Variants in PTK2 observed in about 807,000 individuals in gnomAD.
PTK2 encodes the protein focal adhesion kinase 1.
In PTK2, 45 loss-of-function variants were observed where a neutral mutation model predicts 150.1. That is an observed-to-expected ratio of 0.30 (90% CI 0.24 to 0.38). The LOEUF is 0.38. Among genes scored for constraint, PTK2 ranks in the 10% least tolerant of loss-of-function variants. The pLI is 1.00. For missense variants in PTK2, 919 were observed against 1,307.3 expected, an observed-to-expected ratio of 0.70 and a Z score of 4.58; for synonymous variants, 432 against 449.2, an observed-to-expected ratio of 0.96 and a Z score of 0.48.
At chr8:140,827,757 A>G (rs1044833961) in intron 8 of PTK2, among the ~76,000 whole-genome samples, 2 of 152,222 alleles carry the variant, frequency 1.3e-5, no homozygotes, top group African/African-American at 2.4e-5. Context: ...TGCCAGGTAC[A>G]ATGTCAAACA....
At chr8:140,918,753 T>C (rs1484475109) in intron 2 of PTK2, among the ~76,000 whole-genome samples, 1 of 152,224 alleles carries the variant, frequency 6.6e-6, no homozygotes, top group Non-Finnish European at 1.5e-5. Flanking sequence ...GCTGTGCTTT[T>C]TGAGGTTAAT....
chr8:140,943,412 T>C (rs1290322516), intron 1 of PTK2, among the ~76,000 whole-genome samples: 2 of 152,240 alleles, frequency 1.3e-5, no homozygotes, highest in Non-Finnish European at 2.9e-5. Context: ...GCGTCAGCAG[T>C]TAGTTCCTTT....
At chr8:140,719,582 A>C (rs2100041650) in intron 22 of PTK2, among the ~76,000 whole-genome samples, 1 of 152,204 alleles carries the variant, frequency 6.6e-6, no homozygotes. Context: ...ATCTGCTATA[A>C]GCGTTAGTTG....
Position 140,899,856 on chromosome 8 carries a change from G to C in PTK2, c.-32-9087C>G, listed in dbSNP as rs561984227. The stretch of plus-strand genomic sequence containing the variant: ...CAGAACAAAGAAGAAAAAACCATAT[G>C]GTCTCATCTCAATAGATGAAGAAAA... On this transcript the variant is annotated intron_variant, in intron 2 of 31. Coordinates refer to ENST00000522684, the Ensembl canonical transcript of PTK2. 2.6e-5 allele frequency among the ~76,000 whole-genome samples: 4 copies of C among 151,998 alleles called. No individual in the cohort carries two copies. In the East Asian group the frequency reaches 7.7e-4, roughly 29 times the overall value.
intron 17 of PTK2, chr8:140,750,103 G>A (rs1218167492): frequency 6.6e-6 from 1 of 152,226 alleles, no homozygotes; most frequent in East Asian, 1.9e-4. Context: ...AGTCAAGACA[G>A]AAGTCATTGG....
chr8:140,765,066 A>C (rs892899590), intron 14 of PTK2: 1 of 152,214 alleles, frequency 6.6e-6, no homozygotes, highest in Non-Finnish European at 1.5e-5. Context: ...TCATGTGGTA[A>C]CACCTATACT....
At chr8:140,761,033 G>T in intron 16 of PTK2, 132 bp downstream of exon 19, 1 of 628,170 alleles carries the variant, frequency 1.6e-6, no homozygotes, top group Non-Finnish European at 2.7e-6. Flanking sequence ...TGACATTTAT[G>T]AAGAGCTTTA....
At chr8:140,934,405 A>G (rs1157314682) in intron 1 of PTK2, 1 of 152,266 alleles carries the variant, frequency 6.6e-6, no homozygotes, top group South Asian at 2.1e-4. Flanking sequence ...CCTGAGCAAC[A>G]TAAGGAGACT....
chr8:140,690,698 GT>G (rs1243070861), intron 26 of PTK2, among the ~76,000 whole-genome samples: 3 of 152,184 alleles, frequency 2.0e-5, no homozygotes, highest in African/African-American at 7.2e-5. Context: ...AGTTAATACT[GT>G]GGTGTAAATG....
chr8:140,977,350 G>A (rs552714555), intron 1 of PTK2, among the ~76,000 whole-genome samples: 41 of 152,278 alleles, frequency 2.7e-4, no homozygotes, highest in Non-Finnish European at 3.5e-4. Context: ...CAGCATGGGC[G>A]CGGTAGCTCA....
chr8:140,933,435 T>A (rs2100172596), intron 1 of PTK2, among the ~76,000 whole-genome samples: 1 of 152,218 alleles, frequency 6.6e-6, no homozygotes, highest in Admixed American at 6.5e-5. Flanking sequence ...AGGTGGAGAA[T>A]CTAGGCTGTG....
At position 140,890,400 on chromosome 8, in the gene PTK2, C is replaced by A. The variant is rs991745245; in HGVS notation, c.195+143G>T. 6 of 662,198 alleles carry A rather than the reference C, an allele frequency of 9.1e-6. No individual in the cohort carries two copies. The Admixed American group carries it at 9.4e-5, about 10-fold the overall frequency. 41.0% of individuals were successfully genotyped at this position (662,198 alleles called of 1,614,324 possible). On this transcript the variant is annotated intron_variant, in intron 3 of 31. Transcript: ENST00000522684. Reference sequence around the variant, plus strand: ...GTCAGTCACATATTAACTAATAAATCTTATAATTAAAAATAGCATTTCTGT... The same window carrying A: ...GTCAGTCACATATTAACTAATAAATATTATAATTAAAAATAGCATTTCTGT...
At chr8:140,872,666 G>A (rs999634714) in intron 4 of PTK2, among the ~76,000 whole-genome samples, 2 of 152,232 alleles carry the variant, frequency 1.3e-5, no homozygotes, top group East Asian at 3.9e-4. Context: ...ATTGGGAAGA[G>A]CTGGTGGCTA....
At chr8:140,858,855 G>A (rs955047739) in intron 5 of PTK2, among the ~76,000 whole-genome samples, 4 of 152,044 alleles carry the variant, frequency 2.6e-5, no homozygotes, top group East Asian at 1.9e-4. Flanking sequence ...AAGTCCATAC[G>A]GAACTTAAAC....
chr8:140,820,107 TTTTTTTTTTTTAA>T (rs2100107471), intron 8 of PTK2, among the ~76,000 whole-genome samples: 3 of 78,264 alleles, frequency 3.8e-5, no homozygotes, highest in African/African-American at 1.4e-4. Context: ...TTTTTTTTTT[TTTTTTTTTTTTAA>T]ATAGGGTCTC....
intron 12 of PTK2, among the ~76,000 whole-genome samples, chr8:140,794,539 A>T (rs1325399018): frequency 6.6e-6 from 1 of 152,108 alleles, no homozygotes; most frequent in Non-Finnish European, 1.5e-5. Context: ...ATCTCCAATG[A>T]CATCTGCCTT....
chr8:140,727,650 G>A lies in PTK2; in HGVS notation c.2030+7601C>T, dbSNP rs186977687. 3.7e-4 allele frequency among the ~76,000 whole-genome samples: 57 copies of A among 152,152 alleles called. 2 individuals are homozygous for A. The highest frequency in any genetic ancestry group is 1.3e-3 in the African/African-American group (56 of 41,518). The stretch of plus-strand genomic sequence containing the variant: ...ACCTAGAACTTCTAATTTAAAGTTC[G>A]TGTTGTGGGATAAGGGAAGAATCCA... On this transcript the variant is annotated intron_variant, in intron 22 of 31. Transcript: ENST00000522684.
chr8:140,865,245 G>A (rs1482374736), intron 4 of PTK2, among the ~76,000 whole-genome samples: 8 of 152,102 alleles, frequency 5.3e-5, no homozygotes, highest in Non-Finnish European at 1.2e-4. Flanking sequence ...TTTATTTTTT[G>A]TAGAGAGAGG....
chr8:140,676,765 T>TAAAAAAAAAAAAAC (rs2100014053), intron 27 of PTK2, among the ~76,000 whole-genome samples: 1 of 55,580 alleles, frequency 1.8e-5, no homozygotes, highest in Non-Finnish European at 3.2e-5. Flanking sequence ...GTCTCTACTT[T>TAAAAAAAAAAAAAC]AAAAAAAAAA....
Sources: allele counts gnomAD v4.1 joint callset (sites outside exome capture counted in the v4.1 genomes callset), GRCh38; gene constraint gnomAD v4.1.1; transcripts MANE v1.5; gene names NCBI Gene and HGNC (gene_info 2026-07-23, HGNC 2026-07-21).